Variants in MBNL2 observed in about 807,000 individuals in gnomAD.
MBNL2 encodes muscleblind like splicing regulator 2.
In MBNL2, 17 loss-of-function variants were observed where a neutral mutation model predicts 41.9. That is an observed-to-expected ratio of 0.41 (90% CI 0.28 to 0.61). MBNL2 has a LOEUF of 0.61. Ranked by LOEUF, MBNL2 falls within the 20% of genes least tolerant of loss-of-function variation. The pLI is 0.35. For missense variants in MBNL2, 336 were observed against 505.6 expected (o/e 0.66, Z 3.22); for synonymous variants, 195 against 182.9 (o/e 1.07, Z -0.53).
chr13:97,278,251 CAAAAAAAAA>C (rs10606011), intron 2 of MBNL2, among the ~76,000 whole-genome samples: 1 of 40,514 alleles, frequency 2.5e-5, no homozygotes, highest in African/African-American at 1.1e-4. Flanking sequence ...GAGACTGTCT[CAAAAAAAAA>C]AAAAAAAAAA....
chr13:97,158,315 T>C, the MBNL2 span, among the ~76,000 whole-genome samples: 1 of 151,044 alleles, frequency 6.6e-6, no homozygotes, highest in African/African-American at 2.4e-5. Context: ...GCTAGCGGTC[T>C]ATCAATTTTG....
chr13:97,262,939 T>G (rs2152885111), intron 1 of MBNL2, among the ~76,000 whole-genome samples: 1 of 152,186 alleles, frequency 6.6e-6, no homozygotes, highest in Non-Finnish European at 1.5e-5. Context: ...AATTTTTGCT[T>G]CTTTTAAAAT....
intron 1 of MBNL2, among the ~76,000 whole-genome samples, chr13:97,253,758 ACGT>A (rs2047014318): frequency 7.6e-6 from 1 of 131,936 alleles, no homozygotes; most frequent in Non-Finnish European, 1.5e-5. Flanking sequence ...ATTTATTAAT[ACGT>A]ATTAATTTAT....
rs181169373 is a variant in MBNL2 at position 97,289,842 on chromosome 13, C to T, written c.174+13433C>T. Among the ~76,000 whole-genome samples, 686 of 152,274 alleles carry T rather than the reference C, an allele frequency of 4.5e-3. 2 individuals carry two copies. The highest frequency in any genetic ancestry group is 0.028 in the South Asian group (133 of 4,824). ...AGCAAGACCTCAGATGTGACCTGAA[C>T]CTAGCTTGATTTGCAAACATAAGCA... On this transcript the variant is annotated intron_variant, in intron 2 of 8. Coordinates refer to ENST00000679496, the MANE Select transcript of MBNL2 (RefSeq NM_001382683.1).
At position 97,356,841 on chromosome 13, in the gene MBNL2, G is replaced by A. The variant is rs1268366170; in HGVS notation, c.850G>A (p.Val284Ile). The A allele has an allele frequency of 4.4e-6, 6 of 1,360,772 alleles. No homozygotes were observed. The highest frequency in any genetic ancestry group is 5.9e-6 in the Non-Finnish European group (6 of 1,016,728). 84.3% of individuals were successfully genotyped at this position (1,360,772 alleles called of 1,614,324 possible). The change falls in exon 6 of 9, where the codon GTA becomes ATA. Residue 284 changes from valine (V) to isoleucine (I), a missense_variant. Coordinates refer to ENST00000679496, the MANE Select transcript of MBNL2 (RefSeq NM_001382683.1). ...AATGAAGCGACCTCTCGAAGCAACT[G>A]TAGACCTGGTACTTTGACCTTTCAC... is the stretch of plus-strand genomic sequence containing the variant. ...KAMKRPLEAT[V>I]DLAFPPGALH... is the part of the protein sequence containing the mutation.
intron 5 of MBNL2, among the ~76,000 whole-genome samples, chr13:97,347,969 G>A (rs889171076): frequency 6.6e-6 from 1 of 151,950 alleles, no homozygotes; most frequent in African/African-American, 2.4e-5. Flanking sequence ...TATCAAACTT[G>A]GCTACATTTT....
upstream of MBNL2, among the ~76,000 whole-genome samples, chr13:97,218,619 T>C (rs558640464): frequency 1.3e-5 from 2 of 152,214 alleles, no homozygotes; most frequent in East Asian, 3.9e-4. Flanking sequence ...TTCTTGCTAC[T>C]TGTTCTTTAG....
chr13:97,191,785 A>G, the MBNL2 span, among the ~76,000 whole-genome samples: 3 of 152,216 alleles, frequency 2.0e-5, no homozygotes, highest in South Asian at 2.1e-4. Context: ...CACCCTGCCA[A>G]TGAGAAGAAG....
chr13:97,203,937 G>A, the MBNL2 span, among the ~76,000 whole-genome samples: 3 of 152,012 alleles, frequency 2.0e-5, no homozygotes, highest in Admixed American at 1.3e-4. Flanking sequence ...TGAATGGATG[G>A]ACAGACGGAT....
intron 2 of MBNL2, among the ~76,000 whole-genome samples, chr13:97,295,894 G>T (rs2056937309): frequency 6.6e-6 from 1 of 152,050 alleles, no homozygotes; most frequent in African/African-American, 2.4e-5. Flanking sequence ...AACATACTTA[G>T]GTCATAACTT....
intron 2 of MBNL2, among the ~76,000 whole-genome samples, chr13:97,283,640 C>T (rs2053857816): frequency 6.6e-6 from 1 of 152,134 alleles, no homozygotes; most frequent in Non-Finnish European, 1.5e-5. Flanking sequence ...ATGTTTGCTT[C>T]TAAAAATTAT....
At chr13:97,280,592 C>T (rs905338526) in intron 2 of MBNL2, among the ~76,000 whole-genome samples, 1 of 152,188 alleles carries the variant, frequency 6.6e-6, no homozygotes, top group Admixed American at 6.5e-5. Context: ...AGTGGCTTCT[C>T]ACCACACTCA....
intron 2 of MBNL2, among the ~76,000 whole-genome samples, chr13:97,316,905 G>T (rs1346310348): frequency 6.6e-6 from 1 of 152,158 alleles, no homozygotes; most frequent in African/African-American, 2.4e-5. Flanking sequence ...TGTGAGTTTT[G>T]TTGTTGATAT....
At chr13:97,143,112 C>A in the MBNL2 span, among the ~76,000 whole-genome samples, 1 of 152,052 alleles carries the variant, frequency 6.6e-6, no homozygotes, top group South Asian at 2.1e-4. Context: ...GCTATATTTT[C>A]TTTTTTACTG....
chr13:97,174,715 T>A, the MBNL2 span, among the ~76,000 whole-genome samples: 1 of 152,168 alleles, frequency 6.6e-6, no homozygotes, highest in East Asian at 1.9e-4. Flanking sequence ...ATCTGCACAC[T>A]TCAATGCCAA....
intron 8 of MBNL2, among the ~76,000 whole-genome samples, chr13:97,368,127 G>C (rs1232704933): frequency 6.6e-6 from 1 of 152,114 alleles, no homozygotes; most frequent in South Asian, 2.1e-4. Context: ...AAACAAGTTT[G>C]GACTGAGTGC....
Position 97,312,876 on chromosome 13 carries a change from C to A in MBNL2, c.175-21400C>A, listed in dbSNP as rs74104397. On this transcript the variant is annotated intron_variant, in intron 2 of 8. Transcript: ENST00000679496. ...ATTAAAAATTATATGTCTGAATCTG[C>A]ATTTTATTCCTCACAGTAGAGTTTA... Among the ~76,000 whole-genome samples the A allele has an allele frequency of 2.0e-3, 303 of 152,240 alleles. 2 individuals are homozygous for A. Among genetic ancestry groups the A allele is most frequent in the African/African-American group, 6.8e-3 (281 of 41,542 alleles).
At chr13:97,310,145 G>T (rs1413273019) in intron 2 of MBNL2, among the ~76,000 whole-genome samples, 1 of 152,138 alleles carries the variant, frequency 6.6e-6, no homozygotes, top group South Asian at 2.1e-4. Context: ...TGCCTTCAGG[G>T]TTCTGATTGG....
chr13:97,172,905 C>T, the MBNL2 span: 4 of 150,918 alleles, frequency 2.7e-5, no homozygotes, highest in East Asian at 1.9e-4. Context: ...AGTGGAGGCT[C>T]GAAAAAAAAT....
Sources: gnomAD v4.1 joint callset for allele counts (sites outside exome capture counted in the v4.1 genomes callset) on GRCh38, gnomAD v4.1.1 for gene constraint, MANE v1.5 for transcripts, NCBI Gene and HGNC (gene_info 2026-07-23, HGNC 2026-07-21) for gene names.